TANGO6: variants seen among roughly 807,000 people sequenced by gnomAD.
TANGO6 encodes the protein transport and Golgi organization protein 6 homolog.
A neutral mutation model predicts 114.2 loss-of-function variants in TANGO6; 90 were observed. That is an observed-to-expected ratio of 0.79 (90% confidence interval 0.66 to 0.94). TANGO6 has a LOEUF of 0.94. TANGO6 is among the 40% of genes least tolerant of loss of function. The probability of loss-of-function intolerance (pLI) is 0.00; values close to 1 mark genes in which losing one functional copy is unlikely to be tolerated. For synonymous variants in TANGO6, 477 were observed against 509.8 expected, an observed-to-expected ratio of 0.94 and a Z score of 0.87; for missense variants, 1,274 against 1,315.3, an observed-to-expected ratio of 0.97 and a Z score of 0.49.
intron 14 of TANGO6, among the ~76,000 whole-genome samples, chr16:68,941,144 T>A (rs1322733333): frequency 4.6e-5 from 7 of 152,244 alleles, no homozygotes; most frequent in Admixed American, 4.6e-4. Context: ...CATATTGTCC[T>A]AAGAATATTT....
At chr16:69,012,580 G>GAAAAAAAAAAAAAAAAAAGA (rs745623750) in intron 15 of TANGO6, among the ~76,000 whole-genome samples, 3 of 108,508 alleles carry the variant, frequency 2.8e-5, no homozygotes, top group Non-Finnish European at 5.8e-5. Flanking sequence ...AAAAAAAAAG[G>GAAAAAAAAAAAAAAAAAAGA]AAAAAAAAAA....
intron 7 of TANGO6, among the ~76,000 whole-genome samples, chr16:68,882,807 A>T (rs944292217): frequency 2.6e-5 from 4 of 152,066 alleles, no homozygotes; most frequent in Non-Finnish European, 2.9e-5. Context: ...TCATGAGGTC[A>T]GTAGATCAAG....
intron 7 of TANGO6, among the ~76,000 whole-genome samples, chr16:68,892,301 T>C (rs1962633830): frequency 6.6e-6 from 1 of 152,178 alleles, no homozygotes; most frequent in South Asian, 2.1e-4. Flanking sequence ...AGACGCCTCA[T>C]ATCATAGCTG....
intron 17 of TANGO6, among the ~76,000 whole-genome samples, chr16:69,059,360 C>A (rs1356066417): frequency 1.3e-5 from 2 of 151,930 alleles, no homozygotes; most frequent in Non-Finnish European, 2.9e-5. Context: ...GCGTGAGCCA[C>A]CATGCCCAGA....
chr16:68,889,510 A>G (rs1962582731), intron 7 of TANGO6, among the ~76,000 whole-genome samples: 1 of 152,160 alleles, frequency 6.6e-6, no homozygotes. Context: ...TTAAGGACAA[A>G]AAACTTTATA....
chr16:68,958,164 T>C (rs1367899301), intron 14 of TANGO6, among the ~76,000 whole-genome samples: 1 of 145,230 alleles, frequency 6.9e-6, no homozygotes, highest in African/African-American at 2.6e-5. Context: ...AGAGGGAAAC[T>C]CCATCTCAAA....
chr16:68,903,703 C>T (rs144242147), intron 9 of TANGO6, among the ~76,000 whole-genome samples: 28,697 of 150,234 alleles, frequency 0.19, 2,854 homozygotes, highest in African/African-American at 0.27. Context: ...GGGTAGATCA[C>T]TTGAGGTCAG....
chr16:68,954,050 G>A (rs540171666), intron 14 of TANGO6, among the ~76,000 whole-genome samples: 15 of 151,824 alleles, frequency 9.9e-5, no homozygotes, highest in African/African-American at 3.4e-4. Flanking sequence ...GACCAGCCTG[G>A]CCAACATGGT....
chr16:69,027,344 G>A (rs1441360489), intron 16 of TANGO6, among the ~76,000 whole-genome samples: 1 of 152,110 alleles, frequency 6.6e-6, no homozygotes. Context: ...GGATTTTCAG[G>A]AAAGTTACAT....
At chr16:69,038,949 C>T (rs919080272) in intron 16 of TANGO6, among the ~76,000 whole-genome samples, 2 of 152,030 alleles carry the variant, frequency 1.3e-5, no homozygotes, top group Non-Finnish European at 2.9e-5. Flanking sequence ...TTTGGGAGGC[C>T]GAGGTGGGCA....
chr16:68,942,581 G>A (rs894086140), intron 14 of TANGO6, among the ~76,000 whole-genome samples: 1 of 152,116 alleles, frequency 6.6e-6, no homozygotes, highest in Non-Finnish European at 1.5e-5. Context: ...ATGGGTCTAG[G>A]TTATAAGAGT....
At chr16:69,040,519 C>T (rs577011305) in intron 17 of TANGO6, 98 bp downstream of exon 17, 55 of 944,566 alleles carry the variant, frequency 5.8e-5, no homozygotes, top group Admixed American at 9.1e-5. Context: ...CCTCTTTCCT[C>T]GATGGATTCA....
At chr16:68,853,268 ACT>A (rs1049696961) in intron 1 of TANGO6, among the ~76,000 whole-genome samples, 7 of 149,286 alleles carry the variant, frequency 4.7e-5, no homozygotes, top group African/African-American at 1.7e-4. Context: ...ACAGAGCGAG[ACT>A]CTGTCTAAAA....
At chr16:68,916,765 G>A (rs1963011697) in intron 11 of TANGO6, among the ~76,000 whole-genome samples, 1 of 151,962 alleles carries the variant, frequency 6.6e-6, no homozygotes, top group Non-Finnish European at 1.5e-5. Context: ...TTTTTTTAGA[G>A]CAGTTTTAGA....
In TANGO6 at chr16:68,879,766, G is replaced by A. The variant is rs369813864; in HGVS notation, c.1295-782G>A. Among the ~76,000 whole-genome samples, 81 of 148,542 alleles carry A rather than the reference G, an allele frequency of 5.5e-4. 1 individual carries two copies. The highest frequency in any genetic ancestry group is 3.7e-3 in the East Asian group (18 of 4,830). ...TGAGTAGCTGGGATTACAGGTGCCC[G>A]TCACCACGCCCAGCTAATTTTTTGT... On this transcript the variant is annotated intron_variant, in intron 6 of 17. Coordinates refer to ENST00000261778, the MANE Select transcript of TANGO6 (RefSeq NM_024562.2).
At chr16:69,047,682 TG>T (rs1001978671) in intron 17 of TANGO6, among the ~76,000 whole-genome samples, 5 of 152,076 alleles carry the variant, frequency 3.3e-5, no homozygotes, top group African/African-American at 1.2e-4. Flanking sequence ...AATGAGTGAT[TG>T]GGGGTTGATT....
chr16:68,993,620 T>C (rs1057264350), intron 15 of TANGO6, among the ~76,000 whole-genome samples: 1 of 152,242 alleles, frequency 6.6e-6, no homozygotes, highest in Non-Finnish European at 1.5e-5. Flanking sequence ...CATGAAGTTA[T>C]AGTCTCAATC....
chr16:68,980,216 T>C (rs1175270072), intron 15 of TANGO6, among the ~76,000 whole-genome samples: 1 of 151,580 alleles, frequency 6.6e-6, no homozygotes, highest in South Asian at 2.1e-4. Context: ...ATCATAAATA[T>C]TTTCTTTTAG....
intron 7 of TANGO6, among the ~76,000 whole-genome samples, chr16:68,895,003 G>A (rs1379857441): frequency 6.6e-6 from 1 of 152,082 alleles, no homozygotes; most frequent in Non-Finnish European, 1.5e-5. Flanking sequence ...CTAACAATGT[G>A]TCTTTGCTCA....
Sources: allele counts gnomAD v4.1 joint callset (sites outside exome capture counted in the v4.1 genomes callset), GRCh38; gene constraint gnomAD v4.1.1; transcripts MANE v1.5; gene names NCBI Gene and HGNC (gene_info 2026-07-23, HGNC 2026-07-21).